The following SYNE2 variants were observed in gnomAD, a reference collection of about 807,000 sequenced individuals.
SYNE2 encodes nesprin-2.
A neutral mutation model predicts 856.3 loss-of-function variants in SYNE2; 431 were observed. The observed-to-expected ratio is 0.50, with a 90% CI of 0.47 to 0.55. SYNE2 has a LOEUF of 0.55. SYNE2 is among the 20% of genes least tolerant of loss of function. The pLI, the probability that SYNE2 is intolerant of heterozygous loss-of-function variation, is 0.00. For synonymous variants in SYNE2, 2,923 were observed against 2,872.3 expected (o/e 1.02, Z -0.56); for missense variants, 8,129 against 8,023.2 (o/e 1.01, Z -0.50).
chr14:64,167,064 A>G, intron 90 of SYNE2, 169 bp from the exon 91 acceptor site: 1 of 749,718 alleles, frequency 1.3e-6, no homozygotes, highest in Non-Finnish European at 2.2e-6. Flanking sequence ...CAGCATTGAG[A>G]TAGCTGAATT....
chr14:64,026,860 T>C, intron 42 of SYNE2, 130 bp downstream of exon 42: 1 of 1,102,438 alleles, frequency 9.1e-7, no homozygotes, highest in South Asian at 1.3e-5. Flanking sequence ...GTCAGGGACA[T>C]CCACAGTGTC....
At position 64,091,620 on chromosome 14, in the gene SYNE2, AT is replaced by A. The variant is rs780672308; in HGVS notation, c.11976+573del. On this transcript the variant is annotated intron_variant, in intron 60 of 115. Transcript: ENST00000555002. Reference sequence around the variant, plus strand: ...TGCATATTGAGAGCTGATATTCTTCATCTTCTCCCCAGAGGGGTTTTGTGTT... The same window carrying A: ...TGCATATTGAGAGCTGATATTCTTCACTTCTCCCCAGAGGGGTTTTGTGTT... Among the ~76,000 whole-genome samples, 21 of 152,316 alleles carry A rather than the reference AT, an allele frequency of 1.4e-4. 1 individual carries two copies. The highest frequency in any genetic ancestry group is 2.4e-4 in the Non-Finnish European group (16 of 68,028).
chr14:64,067,685 C>A (rs2097368045), intron 51 of SYNE2, among the ~76,000 whole-genome samples: 1 of 152,118 alleles, frequency 6.6e-6, no homozygotes, highest in Non-Finnish European at 1.5e-5. Context: ...TGTAAGTTTA[C>A]AAATTAAAAA....
At chr14:63,899,500 C>A (rs1486897519) in intron 1 of SYNE2, among the ~76,000 whole-genome samples, 1 of 149,406 alleles carries the variant, frequency 6.7e-6, no homozygotes, top group Non-Finnish European at 1.5e-5. Flanking sequence ...CTGTGCCTGG[C>A]CCTGTTTGTT....
rs150819349 is a variant in SYNE2 at position 64,134,098 on chromosome 14, A to G, written c.14544A>G (p.Ala4848=). ...GGGAAGAATTTGATGAAAACTATGC[A>G]TCTCTTGAAAAGGACCTGGAAATTC... ...QKWEEFDENY[A]SLEKDLEILI... is the part of the protein sequence containing the mutation. The change falls in exon 78 of 116, where the codon GCA becomes GCG. Residue 4848 remains alanine (A), a synonymous_variant. Transcript: ENST00000555002. 1.7e-4 allele frequency: 277 copies of G among 1,614,016 alleles called. No homozygotes were observed. The highest frequency in any genetic ancestry group is 2.2e-4 in the Non-Finnish European group (265 of 1,180,000).
intron 67 of SYNE2, among the ~76,000 whole-genome samples, 177 bp from the exon 68 acceptor site, chr14:64,120,750 C>T (rs900535230): frequency 2.0e-5 from 3 of 151,558 alleles, no homozygotes; most frequent in African/African-American, 7.3e-5. Context: ...GCAACAAGTG[C>T]GAAACTCCAT....
intron 1 of SYNE2, among the ~76,000 whole-genome samples, chr14:63,906,937 G>C (rs1033116713): frequency 1.3e-5 from 2 of 152,142 alleles, no homozygotes; most frequent in Non-Finnish European, 2.9e-5. Flanking sequence ...ATGGTAGAAC[G>C]GGTAAGGAGT....
chr14:64,149,936 A>G (rs1342893245), intron 84 of SYNE2, among the ~76,000 whole-genome samples: 4 of 151,706 alleles, frequency 2.6e-5, no homozygotes, highest in African/African-American at 7.3e-5. Context: ...CTGCAGAGCA[A>G]AAGAAACGAG....
intron 2 of SYNE2, among the ~76,000 whole-genome samples, chr14:63,919,978 T>TTTTTTTTTTTTTTG: frequency 6.6e-6 from 1 of 150,944 alleles, no homozygotes; most frequent in East Asian, 1.9e-4. Context: ...GTAAGTTTTT[T>TTTTTTTTTTTTTTG]TTTTTTTTTT....
chr14:64,002,625 G>T, intron 29 of SYNE2, 95 bp from the exon 30 acceptor site: 2 of 1,400,094 alleles, frequency 1.4e-6, no homozygotes, highest in Non-Finnish European at 1.9e-6. Context: ...CATTTTTCTA[G>T]ATCAAATCTA....
At chr14:64,087,923 C>T in intron 58 of SYNE2, 67 bp downstream of exon 58, 1 of 1,557,416 alleles carries the variant, frequency 6.4e-7, no homozygotes, top group Non-Finnish European at 8.8e-7. Flanking sequence ...TGGCTCATCC[C>T]TATAATTCCA....
At chr14:64,085,159 A>C (rs1002013298) in intron 57 of SYNE2, 8 of 574,700 alleles carry the variant, frequency 1.4e-5, no homozygotes, top group Admixed American at 5.5e-5. Context: ...TGCAGCCTCC[A>C]CCTTCTGAGT....
rs75352392 is a variant in SYNE2, at chr14:64,075,021, G to T, written c.10866+885G>T. Among the ~76,000 whole-genome samples, 202 of 152,062 alleles carry T rather than the reference G, an allele frequency of 1.3e-3. 1 individual carries two copies. Among genetic ancestry groups the T allele is most frequent in the African/African-American group, 4.6e-3 (192 of 41,484 alleles). On this transcript the variant is annotated intron_variant, in intron 53 of 115. Coordinates refer to ENST00000555002, the MANE Select transcript of SYNE2 (RefSeq NM_182914.3). ...CTCCTGGACTAGGTGTAGATAAAACGGGATGACACTTACTTATTAAACCCC... is the reference window on the plus strand; with the variant it reads ...CTCCTGGACTAGGTGTAGATAAAACTGGATGACACTTACTTATTAAACCCC...
At chr14:63,993,074 G>A (rs1007681812) in intron 21 of SYNE2, among the ~76,000 whole-genome samples, 1 of 152,196 alleles carries the variant, frequency 6.6e-6, no homozygotes, top group South Asian at 2.1e-4. Flanking sequence ...GTTAGGAGCA[G>A]ACACATACCT....
chr14:63,863,810 TA>T (rs547769702), intron 1 of SYNE2, among the ~76,000 whole-genome samples: 25 of 152,330 alleles, frequency 1.6e-4, no homozygotes, highest in African/African-American at 2.6e-4. Flanking sequence ...AGATATGTTT[TA>T]TTTTTTTATC....
rs769452359 is a variant in SYNE2, at chr14:63,976,707, GA to G, written c.1274del (p.Glu425GlyfsTer3). On this transcript the variant is annotated frameshift_variant, in exon 12 of 116. Transcript: ENST00000555002. LOFTEE classifies it high-confidence loss of function. Reference sequence around the variant, plus strand: ...CTCTCAAGCCGTGACTCTGATACAAGAGAAAATGACTTTATTCAAGGTTGGA... The same window carrying G: ...CTCTCAAGCCGTGACTCTGATACAAGGAAAATGACTTTATTCAAGGTTGGA... ...DHSQAVTLIQ[E>X]KMTLFKSLMD... The G allele has an allele frequency of 6.2e-7, 1 of 1,612,936 alleles. No individual in the cohort carries two copies. Among genetic ancestry groups the G allele is most frequent in the Non-Finnish European group, 8.5e-7 (1 of 1,179,750 alleles).
intron 2 of SYNE2, among the ~76,000 whole-genome samples, chr14:63,934,169 C>T (rs892011921): frequency 6.6e-6 from 1 of 152,140 alleles, no homozygotes; most frequent in Non-Finnish European, 1.5e-5. Flanking sequence ...GTTTAAAAGC[C>T]ATGCAGATTT....
Position 64,089,514 on chromosome 14 carries a change from G to T in SYNE2, c.11671-60G>T, listed in dbSNP as rs1204422270. On this transcript the variant is annotated intron_variant, in intron 58 of 115. Transcript: ENST00000555002. ...AGAATAAAATTAATGCCAATAAACT[G>T]TTTTATAGATGATTAATATACAATA... The T allele has an allele frequency of 3.0e-5, 45 of 1,501,096 alleles. No homozygotes were observed. In the East Asian group the frequency reaches 1.0e-3, roughly 34 times the overall value. 93.0% of individuals were successfully genotyped at this position (1,501,096 alleles called of 1,614,324 possible). A position where few individuals can be genotyped will look rare whatever the true frequency, so the allele number is the denominator to read the frequency against.
chr14:63,901,518 G>GA (rs1451911951), intron 1 of SYNE2, among the ~76,000 whole-genome samples: 38 of 152,090 alleles, frequency 2.5e-4, no homozygotes, highest in African/African-American at 8.7e-4. Flanking sequence ...TCTTTTAGTT[G>GA]AAAAAAACCA....
Sources: allele counts gnomAD v4.1 joint callset (sites outside exome capture counted in the v4.1 genomes callset), GRCh38; gene constraint gnomAD v4.1.1; transcripts MANE v1.5; gene names NCBI Gene and HGNC (gene_info 2026-07-23, HGNC 2026-07-21).